DCUN1D4: variants seen among roughly 807,000 people sequenced by gnomAD.
The protein encoded by DCUN1D4 is defective in cullin neddylation 1 domain containing 4, also known as DCN1-like protein 4.
Under a neutral mutation model 47.9 loss-of-function variants are expected in DCUN1D4, and 22 were observed. The observed-to-expected ratio is 0.46, with a 90% confidence interval of 0.33 to 0.66. The LOEUF is 0.66. Ranked by LOEUF, DCUN1D4 falls within the 30% of genes least tolerant of loss-of-function variation. DCUN1D4 has a pLI of 0.02. For missense variants in DCUN1D4, 301 were observed against 340.8 expected (o/e 0.88, Z 0.92); for synonymous variants, 121 against 112.2 (o/e 1.08, Z -0.50).
rs779759145 is a variant in DCUN1D4 at position 51,900,757 on chromosome 4, G to A, written c.615+1379G>A. Among the ~76,000 whole-genome samples, 10 of 151,872 alleles carry A rather than the reference G, an allele frequency of 6.6e-5. No individual in the cohort carries two copies. In the East Asian group the frequency reaches 1.9e-3, roughly 29 times the overall value. On this transcript the variant is annotated intron_variant, in intron 8 of 10. Transcript: ENST00000334635. Reference sequence around the variant, plus strand: ...GTTGACTGGTTTCTAGGATTATATAGTTTATTTCATGAGTTTTTTTTTTCC... The same window carrying A: ...GTTGACTGGTTTCTAGGATTATATAATTTATTTCATGAGTTTTTTTTTTCC...
chr4:51,895,416 A>T (rs2110080372), intron 7 of DCUN1D4, among the ~76,000 whole-genome samples: 1 of 152,078 alleles, frequency 6.6e-6, no homozygotes, highest in African/African-American at 2.4e-5. Context: ...CTGGGGCAGG[A>T]CGTGGGTGGT....
upstream of DCUN1D4, among the ~76,000 whole-genome samples, chr4:51,840,791 G>C (rs886801309): frequency 9.2e-5 from 14 of 152,164 alleles, no homozygotes; most frequent in African/African-American, 3.4e-4. Context: ...GCATTATGTA[G>C]TCATTTTATT....
intron 6 of DCUN1D4, among the ~76,000 whole-genome samples, chr4:51,888,165 G>T (rs1192101235): frequency 6.6e-6 from 1 of 152,046 alleles, no homozygotes; most frequent in Non-Finnish European, 1.5e-5. Context: ...TTCCACATGG[G>T]GTACCGTAGT....
rs924844748 is a variant in DCUN1D4 at position 51,916,213 on chromosome 4, C to T, written c.*2629C>T. On this transcript the variant is annotated 3_prime_UTR_variant, in exon 11 of 11. Coordinates refer to ENST00000334635, the MANE Select transcript of DCUN1D4 (RefSeq NM_001040402.3). ...ATACTCTGTTGTCATGGAATACAACCTTTAGATGTTTACTGCTGAAGTAGG... is the reference window on the plus strand; with the variant it reads ...ATACTCTGTTGTCATGGAATACAACTTTTAGATGTTTACTGCTGAAGTAGG... 1 of 152,142 alleles carries T rather than the reference C, an allele frequency of 6.6e-6. No homozygotes were observed. The highest frequency in any genetic ancestry group is 1.5e-5 in the Non-Finnish European group (1 of 67,968). 9.4% of individuals were successfully genotyped at this position (152,142 alleles called of 1,614,324 possible). A position where few individuals can be genotyped will look rare whatever the true frequency, so the allele number is the denominator to read the frequency against.
chr4:51,847,933 G>A (rs1423552824), intron 1 of DCUN1D4, among the ~76,000 whole-genome samples: 1 of 151,978 alleles, frequency 6.6e-6, no homozygotes, highest in Non-Finnish European at 1.5e-5. Context: ...TTACCTTTTT[G>A]AGATCTGGGA....
intron 5 of DCUN1D4, among the ~76,000 whole-genome samples, chr4:51,880,877 T>C (rs1377395431): frequency 1.3e-5 from 2 of 152,116 alleles, no homozygotes; most frequent in African/African-American, 4.8e-5. Flanking sequence ...ACGCCTGTAA[T>C]CCTAACACTG....
chr4:51,858,054 C>T (rs1724420005), intron 1 of DCUN1D4, among the ~76,000 whole-genome samples: 1 of 152,004 alleles, frequency 6.6e-6, no homozygotes, highest in South Asian at 2.1e-4. Flanking sequence ...AAAAGCAAAG[C>T]ATGGTAAGAT....
intron 6 of DCUN1D4, among the ~76,000 whole-genome samples, chr4:51,889,229 ACT>A (rs1730043992): frequency 6.6e-6 from 1 of 152,170 alleles, no homozygotes; most frequent in South Asian, 2.1e-4. Context: ...TGCTAAATAA[ACT>A]CTGATGTGCT....
chr4:51,847,301 A>C (rs548289530), intron 1 of DCUN1D4, among the ~76,000 whole-genome samples: 1 of 152,346 alleles, frequency 6.6e-6, no homozygotes, highest in African/African-American at 2.4e-5. Context: ...AAGAGAAGAA[A>C]AATTTATATA....
chr4:51,848,877 T>C (rs1722949027), intron 1 of DCUN1D4, among the ~76,000 whole-genome samples: 3 of 152,194 alleles, frequency 2.0e-5, no homozygotes, highest in Non-Finnish European at 2.9e-5. Context: ...ACACTAGATA[T>C]GAAAAAGACC....
At chr4:51,890,200 A>G (rs1443927632) in intron 6 of DCUN1D4, among the ~76,000 whole-genome samples, 1 of 152,164 alleles carries the variant, frequency 6.6e-6, no homozygotes, top group Non-Finnish European at 1.5e-5. Flanking sequence ...CTTGTTCTAG[A>G]GTTTTTAATG....
chr4:51,865,055 T>C, intron 3 of DCUN1D4: 1 of 226,032 alleles, frequency 4.4e-6, no homozygotes. Context: ...AAGTTTTAAT[T>C]CTTTCCAGTG....
chr4:51,891,859 C>CT lies in DCUN1D4; in HGVS notation c.506+9dup. Reference sequence around the variant, plus strand: ...AGGAATGACTTCTCTCCAGTAAGTCCTAGGCTGCACTAGTGGGGGTCCCTG... The same window carrying CT: ...AGGAATGACTTCTCTCCAGTAAGTCCTTAGGCTGCACTAGTGGGGGTCCCTG... On this transcript the variant is annotated intron_variant, in intron 7 of 10. Transcript: ENST00000334635. 1.9e-6 allele frequency: 3 copies of CT among 1,590,542 alleles called. No individual in the cohort carries two copies. The highest frequency in any genetic ancestry group is 2.6e-6 in the Non-Finnish European group (3 of 1,165,590).
intron 1 of DCUN1D4, among the ~76,000 whole-genome samples, chr4:51,855,661 A>G (rs1350871928): frequency 1.3e-5 from 2 of 152,222 alleles, no homozygotes; most frequent in African/African-American, 2.4e-5. Context: ...GGATAATGGA[A>G]TGGGATGACT....
chr4:51,848,424 C>T (rs1007753450), intron 1 of DCUN1D4: 1 of 1,029,998 alleles, frequency 9.7e-7, no homozygotes, highest in East Asian at 8.2e-5. Context: ...TGTTTTATAT[C>T]CATATTCTGG....
intron 3 of DCUN1D4, among the ~76,000 whole-genome samples, chr4:51,866,442 T>C (rs184705764): frequency 3.3e-5 from 5 of 152,266 alleles, no homozygotes; most frequent in African/African-American, 4.8e-5. Context: ...TGTACATTTA[T>C]ATTTGCCACT....
Position 51,850,560 on chromosome 4 carries a change from A to C in DCUN1D4, c.25+7293A>C, listed in dbSNP as rs116190521. Among the ~76,000 whole-genome samples, 943 of 152,326 alleles carry C rather than the reference A, an allele frequency of 6.2e-3. 3 individuals are homozygous for C. Among genetic ancestry groups the C allele is most frequent in the Non-Finnish European group, 9.6e-3 (654 of 68,032 alleles). On this transcript the variant is annotated intron_variant, in intron 1 of 10. Coordinates refer to ENST00000334635, the MANE Select transcript of DCUN1D4 (RefSeq NM_001040402.3). The stretch of plus-strand genomic sequence containing the variant: ...CCTCATGCCTAAAAATTGCCTGTTG[A>C]AGGCTGTTCAGTCACCAAGTGTTTA...
chr4:51,897,121 T>G (rs1235714256), intron 7 of DCUN1D4, among the ~76,000 whole-genome samples: 1 of 152,206 alleles, frequency 6.6e-6, no homozygotes, highest in Non-Finnish European at 1.5e-5. Flanking sequence ...TCAACTCTCT[T>G]AGCTTATGTG....
intron 3 of DCUN1D4, among the ~76,000 whole-genome samples, chr4:51,870,757 G>A (rs2109957105): frequency 6.6e-6 from 1 of 152,324 alleles, no homozygotes; most frequent in Non-Finnish European, 1.5e-5. Flanking sequence ...CAACCATTGG[G>A]GGAGCAGGTT....
Sources: gnomAD v4.1 joint callset for allele counts (sites outside exome capture counted in the v4.1 genomes callset) on GRCh38, gnomAD v4.1.1 for gene constraint, MANE v1.5 for transcripts, NCBI Gene and HGNC (gene_info 2026-07-23, HGNC 2026-07-21) for gene names.